ESRRB: variants seen among roughly 807,000 people sequenced by gnomAD.
The protein encoded by ESRRB is steroid hormone receptor ERR2.
Under a neutral mutation model 46.0 loss-of-function variants are expected in ESRRB, and 16 were observed. That is an observed-to-expected ratio of 0.35 (90% CI 0.24 to 0.53). ESRRB has a LOEUF of 0.53. Among genes scored for constraint, ESRRB ranks in the 20% least tolerant of loss-of-function variants. ESRRB has a pLI of 0.93. For missense variants in ESRRB, 488 were observed against 607.4 expected (o/e 0.80, Z 2.07); for synonymous variants, 246 against 259.6 (o/e 0.95, Z 0.50).
intron 1 of ESRRB, among the ~76,000 whole-genome samples, chr14:76,429,920 T>C (rs1887366959): frequency 6.6e-6 from 1 of 152,028 alleles, no homozygotes; most frequent in Non-Finnish European, 1.5e-5. Flanking sequence ...TTATCGCTGG[T>C]TCGTAACACT....
upstream of ESRRB, among the ~76,000 whole-genome samples, chr14:76,367,866 T>C (rs1226127766): frequency 4.6e-5 from 7 of 152,012 alleles, no homozygotes; most frequent in Non-Finnish European, 1.5e-5. Flanking sequence ...CTCCCCCTCC[T>C]TGTGGTGCTC....
chr14:76,451,789 A>T (rs1251333169), intron 2 of ESRRB, among the ~76,000 whole-genome samples: 10 of 122,762 alleles, frequency 8.1e-5, no homozygotes, highest in Non-Finnish European at 1.5e-4. Context: ...TGCCCAGCTA[A>T]TTTTTTTTTT....
intron 1 of ESRRB, among the ~76,000 whole-genome samples, chr14:76,403,715 C>A (rs1428532673): frequency 6.6e-6 from 1 of 152,084 alleles, no homozygotes; most frequent in Non-Finnish European, 1.5e-5. Context: ...TGGTAAGACC[C>A]TGCTGAGCAG....
At chr14:76,463,632 A>G (rs1888984668) in intron 3 of ESRRB, among the ~76,000 whole-genome samples, 2 of 151,638 alleles carry the variant, frequency 1.3e-5, no homozygotes, top group Non-Finnish European at 2.9e-5. Flanking sequence ...TATTTTTAGT[A>G]GAGACGGGGT....
intron 6 of ESRRB, among the ~76,000 whole-genome samples, chr14:76,497,726 T>A (rs1890486865): frequency 1.3e-5 from 2 of 152,094 alleles, no homozygotes; most frequent in Non-Finnish European, 2.9e-5. Context: ...GTTGTCATGG[T>A]GATAGTAGTG....
intron 2 of ESRRB, among the ~76,000 whole-genome samples, chr14:76,441,150 T>C (rs1595121020): frequency 6.6e-6 from 1 of 152,178 alleles, no homozygotes; most frequent in African/African-American, 2.4e-5. Flanking sequence ...ACTCCTGGGC[T>C]CAAGCCATCC....
chr14:76,332,585 TTTATATA>T (rs368360474), intron 1 of ESRRB, among the ~76,000 whole-genome samples: 2,070 of 28,610 alleles, frequency 0.072, 136 homozygotes, highest in Non-Finnish European at 0.099. Flanking sequence ...ATATTATATA[TTTATATA>T]TTATATATTA....
At chr14:76,429,554 C>T (rs1887345544) in intron 1 of ESRRB, among the ~76,000 whole-genome samples, 1 of 151,946 alleles carries the variant, frequency 6.6e-6, no homozygotes, top group Admixed American at 6.6e-5. Flanking sequence ...AGTTCCAGAC[C>T]AGCCTGACCA....
intron 1 of ESRRB, among the ~76,000 whole-genome samples, chr14:76,338,005 C>A (rs891340759): frequency 6.6e-6 from 1 of 152,214 alleles, no homozygotes; most frequent in Admixed American, 6.5e-5. Flanking sequence ...TATTCCCGAG[C>A]TGCCTCGGGG....
chr14:76,402,191 T>C (rs1172045592), intron 1 of ESRRB, among the ~76,000 whole-genome samples: 1 of 152,190 alleles, frequency 6.6e-6, no homozygotes, highest in Non-Finnish European at 1.5e-5. Flanking sequence ...GCTAATCTCA[T>C]CCAAAAACAC....
rs748591843 is a variant in ESRRB, at chr14:76,498,844, C to A, written c.*386C>A. The A allele has an allele frequency of 3.6e-6, 2 of 548,808 alleles. No individual in the cohort carries two copies. The highest frequency in any genetic ancestry group is 1.9e-5 in the Admixed American group (1 of 51,866). 34.0% of individuals were successfully genotyped at this position (548,808 alleles called of 1,614,324 possible). A position where few individuals can be genotyped will look rare whatever the true frequency, so the allele number is the denominator to read the frequency against. ...TTCCTAACTCCCTTGCCCCCTCCCCCATCTGTGGCCTGGGTGGGCACTGCT... is the reference window on the plus strand; with the variant it reads ...TTCCTAACTCCCTTGCCCCCTCCCCAATCTGTGGCCTGGGTGGGCACTGCT... On this transcript the variant is annotated 3_prime_UTR_variant, in exon 7 of 7. Transcript: ENST00000644823.
rs538376635 is a variant in ESRRB at position 76,493,265 on chromosome 14, G to A, written c.1120+1549G>A. On this transcript the variant is annotated intron_variant, in intron 6 of 6. Coordinates refer to ENST00000644823, the MANE Select transcript of ESRRB (RefSeq NM_001379180.1). ...TGCCTCCCGGGTTCAAGCGATTCTCGTGTCTCAGCCTTCCGAGTAGCTGGG... is the reference window on the plus strand; with the variant it reads ...TGCCTCCCGGGTTCAAGCGATTCTCATGTCTCAGCCTTCCGAGTAGCTGGG... Among the ~76,000 whole-genome samples, 7 of 152,082 alleles carry A rather than the reference G, an allele frequency of 4.6e-5. 1 individual carries two copies. In the South Asian group the frequency reaches 6.2e-4, roughly 14 times the overall value.
At position 76,346,713 on chromosome 14, in the gene ESRRB, A is replaced by G. The variant is rs201098463; in HGVS notation, c.2+35797A>G. Reference sequence around the variant, plus strand: ...CTCCCCCACATGCCCAGACCACGGGAGCATCTGCCCCAGCTGCTCCAGACA... The same window carrying G: ...CTCCCCCACATGCCCAGACCACGGGGGCATCTGCCCCAGCTGCTCCAGACA... On this transcript the variant is annotated intron_variant, in intron 1 of 6. Coordinates refer to the ESRRB transcript ENST00000512784. Among the ~76,000 whole-genome samples the G allele has an allele frequency of 4.6e-4, 70 of 152,286 alleles. 1 individual carries two copies. In the East Asian group the frequency reaches 0.012, roughly 26 times the overall value.
intron 2 of ESRRB, among the ~76,000 whole-genome samples, chr14:76,459,350 C>T (rs1367065569): frequency 6.6e-6 from 1 of 152,082 alleles, no homozygotes; most frequent in Non-Finnish European, 1.5e-5. Flanking sequence ...CAGACAGATA[C>T]AACACAGGGG....
intron 1 of ESRRB, among the ~76,000 whole-genome samples, chr14:76,439,061 C>G (rs1887796653): frequency 6.6e-6 from 1 of 152,038 alleles, no homozygotes; most frequent in Non-Finnish European, 1.5e-5. Flanking sequence ...CTCAGCCTCT[C>G]AAAGTGCTGG....
At chr14:76,393,903 C>T (rs142110369) in intron 1 of ESRRB, among the ~76,000 whole-genome samples, 6 of 151,920 alleles carry the variant, frequency 3.9e-5, no homozygotes, top group African/African-American at 9.7e-5. Flanking sequence ...CAGGTTCAAG[C>T]GAATCTCCTG....
At chr14:76,358,805 T>C (rs549020003) in intron 1 of ESRRB, among the ~76,000 whole-genome samples, 2 of 152,324 alleles carry the variant, frequency 1.3e-5, no homozygotes, top group African/African-American at 2.4e-5. Context: ...AAGATATGGA[T>C]AGTAAGAAGA....
At position 76,313,860 on chromosome 14, in the gene ESRRB, C is replaced by T. The variant is rs1029543681; in HGVS notation, c.2+2944C>T. Among the ~76,000 whole-genome samples the T allele has an allele frequency of 1.5e-4, 23 of 152,286 alleles. No individual in the cohort carries two copies. The South Asian group carries it at 3.7e-3, about 25-fold the overall frequency. ...CTTGAAAACACATTTCTATCTGGCA[C>T]AGAAAATAAACTCAGATTGTGGGTA... On this transcript the variant is annotated intron_variant, in intron 1 of 6. Transcript: ENST00000512784.
chr14:76,402,551 A>G (rs1885988280), intron 1 of ESRRB, among the ~76,000 whole-genome samples: 1 of 152,208 alleles, frequency 6.6e-6, no homozygotes. Flanking sequence ...ATGTAACATT[A>G]GAAAGACACT....
Sources: gnomAD v4.1 joint callset for allele counts (sites outside exome capture counted in the v4.1 genomes callset) on GRCh38, gnomAD v4.1.1 for gene constraint, MANE v1.5 for transcripts, NCBI Gene and HGNC (gene_info 2026-07-23, HGNC 2026-07-21) for gene names.